Variants in COL6A3 observed in about 807,000 individuals in gnomAD.
The protein encoded by COL6A3 is collagen type VI alpha 3 chain.
A neutral mutation model predicts 274.1 loss-of-function variants in COL6A3; 137 were observed. That is an observed-to-expected ratio of 0.50 (90% CI 0.44 to 0.58). The LOEUF (loss-of-function observed/expected upper bound fraction) is 0.58, where lower values mean the gene tolerates loss of function less well. Among genes scored for constraint, COL6A3 ranks in the 20% least tolerant of loss-of-function variants. The pLI is 0.00. For synonymous variants in COL6A3, 1,650 were observed against 1,650.6 expected (o/e 1.00, Z 0.01); for missense variants, 3,950 against 4,124.9 (o/e 0.96, Z 1.16).
In COL6A3 at chr2:237,364,814, C is replaced by T. The variant is rs945082011; in HGVS notation, c.5839-386G>A. 3.1e-5 allele frequency among the ~76,000 whole-genome samples: 3 copies of T among 95,568 alleles called. No individual in the cohort carries two copies. Among genetic ancestry groups the T allele is most frequent in the Non-Finnish European group, 4.8e-5 (2 of 41,710 alleles). The allele number at this position is 95,568 out of a possible 152,430, so 62.7% of individuals were successfully genotyped here. ...TGCATTGTGTGTGCATGTGTGTGCA[C>T]GTGTGTGTGCATGTGTGGGTGTGTG... On this transcript the variant is annotated intron_variant, in intron 12 of 43. Coordinates refer to ENST00000295550, the MANE Select transcript of COL6A3 (RefSeq NM_004369.4). The surrounding 1 kb of genome is among the most constrained non-coding windows in gnomAD (Gnocchi z 4.6).
At position 237,324,819 on chromosome 2, in the gene COL6A3, G is replaced by A. The variant is rs886043555; in HGVS notation, c.9494-5C>T. 9.9e-6 allele frequency: 16 copies of A among 1,613,344 alleles called. No homozygotes were observed. Among genetic ancestry groups the A allele is most frequent in the Non-Finnish European group, 1.4e-5 (16 of 1,179,982 alleles). On this transcript the variant is annotated splice_region_variant and splice_polypyrimidine_tract_variant and intron_variant, in intron 43 of 43. Transcript: ENST00000295550. ...TGACTCCGGGTTTGGCGAGCACTGA[G>A]CGTCGAGAGAGGGGGTGGGTGGGGT...
intron 1 of COL6A3, among the ~76,000 whole-genome samples, chr2:237,403,981 C>G (rs754889040): frequency 2.0e-5 from 3 of 151,608 alleles, no homozygotes; most frequent in Non-Finnish European, 2.9e-5. Context: ...AAAAAAAAAG[C>G]AATTGCAATA....
At chr2:237,396,465 T>C (rs890963650) in intron 2 of COL6A3, among the ~76,000 whole-genome samples, 15 of 152,172 alleles carry the variant, frequency 9.9e-5, no homozygotes, top group African/African-American at 7.2e-5. Flanking sequence ...TCCGTTCACA[T>C]CCAATGTAAA....
In COL6A3 at chr2:237,394,587, C is replaced by T. The variant is rs1553564820; in HGVS notation, c.709G>A (p.Ala237Thr). The T allele has an allele frequency of 6.2e-7, 1 of 1,613,982 alleles. No homozygotes were observed. The highest frequency in any genetic ancestry group is 8.5e-7 in the Non-Finnish European group (1 of 1,180,022). Residue 237 changes from alanine (A) to threonine (T), a missense_variant and splice_region_variant, in exon 3 of 44, where the codon GCA becomes ACA. Ala to Thr is a moderately conservative substitution (Grantham distance 58). This residue lies in a region of COL6A3 where 1,934 missense variants were observed against 1,984.3 expected (regional missense o/e 0.97). Coordinates refer to ENST00000295550, the MANE Select transcript of COL6A3 (RefSeq NM_004369.4). ...GDTETLKDIT[A>T]QDSADIIFLI... ...CGTAGCTTGGTGGCGTTGCCATTAC[C>T]TGTGATGTCTTTAAGGGTTTCCGTG... is the stretch of plus-strand genomic sequence containing the variant.
At position 237,394,699 on chromosome 2, in the gene COL6A3, G is replaced by A; in HGVS notation, c.597C>T (p.Asn199=). The A allele has an allele frequency of 6.2e-7, 1 of 1,614,192 alleles. No individual in the cohort carries two copies. The highest frequency in any genetic ancestry group is 8.5e-7 in the Non-Finnish European group (1 of 1,180,022). ...ASEPLNMHMF[N]LENFTSLHDI... is the part of the protein sequence containing the mutation. ...CATGAAGTGAGGTAAAATTCTCTAG[G>A]TTGAACATATGCATATTGAGCGGTT... The change falls in exon 3 of 44, where the codon AAC becomes AAT. Residue 199 remains asparagine (N), a synonymous_variant. Transcript: ENST00000295550.
At position 237,360,288 on chromosome 2, in the gene COL6A3, C is replaced by T. The variant is rs116174845; in HGVS notation, c.6211-129G>A. The T allele has an allele frequency of 5.4e-4, 495 of 919,538 alleles. 1 individual carries two copies. In the African/African-American group the frequency reaches 7.1e-3, roughly 13 times the overall value. 57.0% of individuals were successfully genotyped at this position (919,538 alleles called of 1,614,324 possible). A position where few individuals can be genotyped will look rare whatever the true frequency, so the allele number is the denominator to read the frequency against. On this transcript the variant is annotated intron_variant, in intron 16 of 43. Transcript: ENST00000295550. ...AAAGCAGATTTCACCATGGGGAACGCCGATCGAGGCTACGTGAGCCAGGGA... is the reference window on the plus strand; with the variant it reads ...AAAGCAGATTTCACCATGGGGAACGTCGATCGAGGCTACGTGAGCCAGGGA...
At position 237,359,189 on chromosome 2, in the gene COL6A3, AG is replaced by A; in HGVS notation, c.6354+16del. 6.2e-7 allele frequency: 1 copy of A among 1,614,220 alleles called. No homozygotes were observed. The highest frequency in any genetic ancestry group is 8.5e-7 in the Non-Finnish European group (1 of 1,180,010). ...TCAGAACCAAAAGCAGTTTGGACTT[AG>A]AGTAAAATCACTTACATCTTCACCA... On this transcript the variant is annotated intron_variant, in intron 19 of 43. Coordinates refer to ENST00000295550, the MANE Select transcript of COL6A3 (RefSeq NM_004369.4).
chr2:237,392,722 A>G (rs74882749), intron 3 of COL6A3, among the ~76,000 whole-genome samples: 1,850 of 152,306 alleles, frequency 0.012, 66 homozygotes, highest in Admixed American at 0.06. Context: ...ACATTCCTAC[A>G]TGATTTAGTT....
At chr2:237,328,323 C>A (rs565978677) in intron 42 of COL6A3, 6 of 152,274 alleles carry the variant, frequency 3.9e-5, no homozygotes, top group African/African-American at 1.4e-4. Flanking sequence ...CTGGGAATCC[C>A]ACCTGTTCCC....
rs1380403394 is a variant in COL6A3, at chr2:237,340,486, C to T, written c.8430G>A (p.Met2810Ile). Residue 2810 changes from methionine (M) to isoleucine (I), a missense_variant, in exon 38 of 44, where the codon ATG becomes ATA. Met to Ile is a conservative substitution (Grantham distance 10). Around this residue, in one of 5 missense-constraint regions of COL6A3, gnomAD observed 1,284 missense variants for 1,349.7 expected, o/e 0.95. Transcript: ENST00000295550. ...AGGATGGCAACAGCCTCCCGAAGCG[C>T]ATCAAAGGCTCCTCGTTGAGCTCGG... ...KSTELNEEPLMRFGRLLPSFV... is the reference protein window; with the variant it reads ...KSTELNEEPLIRFGRLLPSFV... 4 of 1,613,866 alleles carry T rather than the reference C, an allele frequency of 2.5e-6. No homozygotes were observed. Among genetic ancestry groups the T allele is most frequent in the Non-Finnish European group, 3.4e-6 (4 of 1,180,046 alleles).
intron 39 of COL6A3, 79 bp from the exon 40 acceptor site, chr2:237,336,611 T>C: frequency 6.7e-7 from 1 of 1,499,252 alleles, no homozygotes; most frequent in South Asian, 1.2e-5. Context: ...ATGAGCTACA[T>C]TAAATTTGTT....
At chr2:237,378,578 C>T in intron 6 of COL6A3, 58 bp downstream of exon 6, 1 of 1,611,540 alleles carries the variant, frequency 6.2e-7, no homozygotes, top group Non-Finnish European at 8.5e-7. Context: ...TGGCAAACTA[C>T]CCTCCAGGGT....
intron 1 of COL6A3, among the ~76,000 whole-genome samples, chr2:237,406,757 A>G (rs896145818): frequency 6.6e-6 from 1 of 152,196 alleles, no homozygotes; most frequent in Non-Finnish European, 1.5e-5. Context: ...GTGGAATTTA[A>G]TATGCTCTTG....
At position 237,363,234 on chromosome 2, in the gene COL6A3, A is replaced by G. The variant is rs1454597625; in HGVS notation, c.6063+19T>C. The G allele has an allele frequency of 6.2e-7, 1 of 1,607,014 alleles. No homozygotes were observed. The highest frequency in any genetic ancestry group is 8.5e-7 in the Non-Finnish European group (1 of 1,177,342). ...GGTATCTACACTGGTCTGTGTATAA[A>G]GACATAAAAAAAACTCACAAGCTGC... On this transcript the variant is annotated intron_variant, in intron 14 of 43. Coordinates refer to ENST00000295550, the MANE Select transcript of COL6A3 (RefSeq NM_004369.4).
chr2:237,373,715 C>A (rs1028875030), intron 8 of COL6A3, among the ~76,000 whole-genome samples: 6 of 151,946 alleles, frequency 3.9e-5, no homozygotes, highest in African/African-American at 1.2e-4. Flanking sequence ...CCCCCCCACC[C>A]GAGTGACCCG....
intron 23 of COL6A3, 33 bp from the exon 24 acceptor site, chr2:237,354,967 G>T (rs1160621219): frequency 4.4e-6 from 7 of 1,608,344 alleles, no homozygotes; most frequent in Non-Finnish European, 6.0e-6. Context: ...AACTGTGAGG[G>T]GGAGCATGGG....
At chr2:237,358,334 T>C (rs185480388) in intron 21 of COL6A3, among the ~76,000 whole-genome samples, 187 bp downstream of exon 21, 1 of 152,344 alleles carries the variant, frequency 6.6e-6, no homozygotes, top group East Asian at 1.9e-4. Context: ...TTGCAAATGA[T>C]TATCTGGTTA....
At chr2:237,362,599 G>A (rs2106345051) in intron 14 of COL6A3, among the ~76,000 whole-genome samples, 1 of 152,328 alleles carries the variant, frequency 6.6e-6, no homozygotes, top group Admixed American at 6.5e-5. Context: ...CTGCAAAGAA[G>A]TATGGAAGAA....
rs200205650 is a variant in COL6A3, at chr2:237,381,192, T to C, written c.1620A>G (p.Ser540=). The C allele has an allele frequency of 1.7e-5, 27 of 1,614,268 alleles. No homozygotes were observed. In the East Asian group the frequency reaches 5.1e-4, roughly 31 times the overall value. ...TCCCCTCGGCAGCCCGGTAGCCGGC[T>C]GAACTCGTGAATAGGTTGTTACGAA... The part of the protein sequence containing the change: ...DFVRNNLFTS[S]AGYRAAEGIP... The change falls in exon 5 of 44, where the codon TCA becomes TCG. Residue 540 remains serine (S), a synonymous_variant. Coordinates refer to ENST00000295550, the MANE Select transcript of COL6A3 (RefSeq NM_004369.4).
Sources: gnomAD v4.1 joint callset for allele counts (sites outside exome capture counted in the v4.1 genomes callset) on GRCh38, gnomAD v4.1.1 for gene constraint, gnomAD v4.1.1 regional missense constraint, Gnocchi (gnomAD v3.1) non-coding constraint, MANE v1.5 for transcripts, NCBI Gene and HGNC (gene_info 2026-07-23, HGNC 2026-07-21) for gene names.